The following DIAPH1 variants were observed in gnomAD, a reference collection of about 807,000 sequenced individuals.
DIAPH1 encodes the protein protein diaphanous homolog 1.
In DIAPH1, 46 loss-of-function variants were observed where a neutral mutation model predicts 140.7. The ratio of observed to expected loss-of-function variants is 0.33; its 90% confidence interval spans 0.26 to 0.42. The LOEUF (loss-of-function observed/expected upper bound fraction) is 0.42. Ranked by LOEUF, DIAPH1 falls within the 10% of genes least tolerant of loss-of-function variation. The probability of loss-of-function intolerance (pLI) is 1.00; values close to 1 mark genes in which losing one functional copy is unlikely to be tolerated. For missense variants in DIAPH1, 1,310 were observed against 1,558.7 expected, an observed-to-expected ratio of 0.84 and a Z score of 2.69; for synonymous variants, 565 against 551.6, an observed-to-expected ratio of 1.02 and a Z score of -0.34.
At position 141,587,207 on chromosome 5, in the gene DIAPH1, AG is replaced by A; in HGVS notation, c.145-11del. 1 of 1,613,686 alleles carries A rather than the reference AG, an allele frequency of 6.2e-7. No homozygotes were observed. The highest frequency in any genetic ancestry group is 8.5e-7 in the Non-Finnish European group (1 of 1,179,928). Reference sequence around the variant, plus strand: ...TGGTAAATCTCTCCAGCTGAGAAACAGAAAAAAGCATTAGCAGTGATCCATT... The same window carrying A: ...TGGTAAATCTCTCCAGCTGAGAAACAAAAAAAGCATTAGCAGTGATCCATT... On this transcript the variant is annotated splice_polypyrimidine_tract_variant and intron_variant, in intron 2 of 27. Transcript: ENST00000389054.
chr5:141,616,708 A>G (rs932749614), intron 1 of DIAPH1, among the ~76,000 whole-genome samples: 2 of 152,208 alleles, frequency 1.3e-5, no homozygotes, highest in African/African-American at 4.8e-5. Context: ...ACTTTCCTAG[A>G]AACCTTCCAA....
chr5:141,519,004 G>A, intron 27 of DIAPH1: 15 of 1,550,576 alleles, frequency 9.7e-6, no homozygotes, highest in Non-Finnish European at 1.2e-5. Context: ...TGTCTACCAA[G>A]AGGAGAAAGA....
At chr5:141,554,006 C>T (rs250791) in intron 18 of DIAPH1, among the ~76,000 whole-genome samples, 9,807 of 152,018 alleles carry the variant, frequency 0.065, 449 homozygotes, top group Non-Finnish European at 0.096. Context: ...AGGCAGGGCG[C>T]GGTGGCTCAT....
At chr5:141,518,782 A>T (rs747571551) in intron 27 of DIAPH1, 1 of 701,348 alleles carries the variant, frequency 1.4e-6, no homozygotes, top group African/African-American at 1.8e-5. Context: ...CTTGGAACCT[A>T]AAGTTCTGGG....
At chr5:141,568,130 TGCTATGGTTCAA>T (rs1054224817) in intron 18 of DIAPH1, among the ~76,000 whole-genome samples, 38 of 152,286 alleles carry the variant, frequency 2.5e-4, no homozygotes, top group African/African-American at 8.9e-4. Flanking sequence ...TCACTCACCA[TGCTATGGTTCAA>T]GAGGTGGTAG....
At chr5:141,539,446 A>AT (rs1302619367) in intron 18 of DIAPH1, among the ~76,000 whole-genome samples, 4 of 72,656 alleles carry the variant, frequency 5.5e-5, no homozygotes, top group Non-Finnish European at 8.5e-5. Flanking sequence ...TTTTTTTGGT[A>AT]TTTTTAGTAG....
intron 18 of DIAPH1, chr5:141,558,191 A>G (rs1473365478): frequency 6.6e-6 from 1 of 152,250 alleles, no homozygotes; most frequent in African/African-American, 2.4e-5. Flanking sequence ...AGAAGGGAAA[A>G]TAATTTTCAG....
At chr5:141,538,068 T>G (rs985941433) in intron 18 of DIAPH1, among the ~76,000 whole-genome samples, 11 of 149,542 alleles carry the variant, frequency 7.4e-5, no homozygotes, top group African/African-American at 2.7e-4. Flanking sequence ...TTTTTTTGTT[T>G]TTTTTTTTTT....
At chr5:141,525,981 C>A in intron 26 of DIAPH1, 57 bp downstream of exon 26, 1 of 1,610,842 alleles carries the variant, frequency 6.2e-7, no homozygotes, top group African/African-American at 1.3e-5. Context: ...AGACTCTAGG[C>A]AGAGAAGTCT....
rs1189716868 is a variant in DIAPH1 at position 141,618,843 on chromosome 5, A to G, written c.72T>C (p.Asp24=). 1.9e-6 allele frequency: 3 copies of G among 1,545,406 alleles called. No homozygotes were observed. Among genetic ancestry groups the G allele is most frequent in the Admixed American group, 3.9e-5 (2 of 50,762 alleles). ...CGTCGCCGCCCGCCGAGGGCAGCTC[A>G]TCTGGGCTCCGGCCCTTCTTCTTGT... ...TRDKKKGRSP[D]ELPSAGGDGG... is the part of the protein sequence containing the mutation. The change falls in exon 1 of 28, where the codon GAT becomes GAC. Residue 24 remains aspartate (D), a synonymous_variant. Transcript: ENST00000389054.
At chr5:141,601,084 G>T (rs146096058) in intron 1 of DIAPH1, among the ~76,000 whole-genome samples, 40 of 152,094 alleles carry the variant, frequency 2.6e-4, no homozygotes, top group African/African-American at 8.4e-4. Context: ...TTGTGGGATG[G>T]GGGGAGAGGG....
Position 141,585,560 on chromosome 5 carries a change from G to A in DIAPH1, c.301-1335C>T, listed in dbSNP as rs1029039050. ...CTCATGCCCGTAATCCCAGCACTTT[G>A]GGAGGCTGAGGTGGGTGGATCACAA... is the stretch of plus-strand genomic sequence containing the variant. On this transcript the variant is annotated intron_variant, in intron 3 of 27. Coordinates refer to ENST00000389054, the MANE Select transcript of DIAPH1 (RefSeq NM_005219.5). Among the ~76,000 whole-genome samples, 10 of 152,094 alleles carry A rather than the reference G, an allele frequency of 6.6e-5. No homozygotes were observed. The East Asian group carries it at 1.9e-3, about 29-fold the overall frequency.
chr5:141,574,132 G>A lies in DIAPH1; in HGVS notation c.1718C>T (p.Pro573Leu). 1 of 1,614,000 alleles carries A rather than the reference G, an allele frequency of 6.2e-7. No homozygotes were observed. Among genetic ancestry groups the A allele is most frequent in the Non-Finnish European group, 8.5e-7 (1 of 1,179,986 alleles). ...ASLSAAAITV[P>L]PSVPSRAPVP... ...AGGAGCACGACTAGGAACAGAAGGA[G>A]GTACAGTAATAGCTGCCGCAGAGAG... The change falls in exon 16 of 28, where the codon CCT becomes CTT. Residue 573 changes from proline (P) to leucine (L), a missense_variant. Physicochemically the swap from Pro to Leu is moderately conservative, Grantham distance 98. This residue lies in a region of DIAPH1 where 589 missense variants were observed against 549.3 expected (regional missense o/e 1.07). Coordinates refer to ENST00000389054, the MANE Select transcript of DIAPH1 (RefSeq NM_005219.5).
At chr5:141,576,987 G>C (rs1228736149) in intron 12 of DIAPH1, 116 bp from the exon 13 acceptor site, 6 of 726,508 alleles carry the variant, frequency 8.3e-6, no homozygotes, top group Non-Finnish European at 1.5e-5. Flanking sequence ...AAAAACTTTT[G>C]TAAAGTTAAC....
chr5:141,556,601 A>C (rs1046724745), intron 18 of DIAPH1, among the ~76,000 whole-genome samples: 5 of 152,234 alleles, frequency 3.3e-5, no homozygotes, highest in Non-Finnish European at 5.9e-5. Context: ...CCTCTGTGGG[A>C]AATCCTAAAG....
chr5:141,521,850 C>T (rs962665444), intron 27 of DIAPH1, among the ~76,000 whole-genome samples: 1 of 152,138 alleles, frequency 6.6e-6, no homozygotes, highest in African/African-American at 2.4e-5. Context: ...TCCTCTTAAT[C>T]CTGTTGTCAC....
intron 18 of DIAPH1, among the ~76,000 whole-genome samples, chr5:141,550,220 G>A (rs1288195407): frequency 6.6e-6 from 1 of 151,978 alleles, no homozygotes; most frequent in Non-Finnish European, 1.5e-5. Context: ...ATTATCTTAA[G>A]ATAAATAAAG....
intron 9 of DIAPH1, 69 bp from the exon 10 acceptor site, chr5:141,578,694 A>C (rs1190718839): frequency 8.2e-6 from 10 of 1,214,292 alleles, no homozygotes; most frequent in Non-Finnish European, 1.2e-5. Flanking sequence ...TTTTCTTTAC[A>C]TGCATTCTTA....
chr5:141,545,906 T>C (rs928454235), intron 18 of DIAPH1, among the ~76,000 whole-genome samples: 1 of 152,182 alleles, frequency 6.6e-6, no homozygotes, highest in Non-Finnish European at 1.5e-5. Context: ...GTCTAACCAA[T>C]AGTGTTGGGA....
Sources: gnomAD v4.1 joint callset for allele counts (sites outside exome capture counted in the v4.1 genomes callset) on GRCh38, gnomAD v4.1.1 for gene constraint, gnomAD v4.1.1 regional missense constraint, MANE v1.5 for transcripts, NCBI Gene and HGNC (gene_info 2026-07-23, HGNC 2026-07-21) for gene names.